The following NBEAL1 variants were observed in gnomAD, a reference collection of about 807,000 sequenced individuals.
The protein encoded by NBEAL1 is neurobeachin-like protein 1.
Under a neutral mutation model 351.3 loss-of-function variants are expected in NBEAL1, and 273 were observed. The ratio of observed to expected loss-of-function variants is 0.78; its 90% CI spans 0.70 to 0.86. The LOEUF (loss-of-function observed/expected upper bound fraction) is 0.86. Ranked by LOEUF, NBEAL1 falls within the 40% of genes least tolerant of loss-of-function variation. The probability of loss-of-function intolerance (pLI) is 0.00; values close to 1 mark genes in which losing one functional copy is unlikely to be tolerated. For missense variants in NBEAL1, 2,961 were observed against 3,201.3 expected, an observed-to-expected ratio of 0.92 and a Z score of 1.81; for synonymous variants, 1,050 against 1,086.4, an observed-to-expected ratio of 0.97 and a Z score of 0.66.
rs1408408571 is a variant in NBEAL1 at position 203,144,684 on chromosome 2, G to A, written c.4933G>A (p.Gly1645Arg). Residue 1645 changes from glycine (G) to arginine (R), a missense_variant, in exon 32 of 56, where the codon GGG becomes AGG. Physicochemically the swap from Gly to Arg is moderately radical, Grantham distance 125. Coordinates refer to ENST00000683969, the MANE Select transcript of NBEAL1 (RefSeq NM_001378026.1). Reference sequence around the variant, plus strand: ...TCAGGATGAAGCATGTTACATTTTAGGGAAGCTGGAACATGTTCTAAGTCA... The same window carrying A: ...TCAGGATGAAGCATGTTACATTTTAAGGAAGCTGGAACATGTTCTAAGTCA... ...ENQDEACYIL[G>R]KLEHVLSQSI... 2 of 1,614,066 alleles carry A rather than the reference G, an allele frequency of 1.2e-6. No homozygotes were observed. The highest frequency in any genetic ancestry group is 1.7e-5 in the Admixed American group (1 of 60,022).
At chr2:203,206,987 C>A (rs1186485767) in intron 51 of NBEAL1, among the ~76,000 whole-genome samples, 2 of 151,840 alleles carry the variant, frequency 1.3e-5, no homozygotes, top group Non-Finnish European at 2.9e-5. Flanking sequence ...CGCCTCTTCC[C>A]GGCCGCCATC....
intron 49 of NBEAL1, 37 bp downstream of exon 49, chr2:203,199,484 C>T: frequency 2.0e-6 from 2 of 990,360 alleles, no homozygotes; most frequent in Non-Finnish European, 3.2e-6. Context: ...ATAGCTATAC[C>T]AGATACCTTA....
At chr2:203,023,943 T>A (rs2060811040) in intron 2 of NBEAL1, among the ~76,000 whole-genome samples, 1 of 152,200 alleles carries the variant, frequency 6.6e-6, no homozygotes. Context: ...ACGTCTCTGT[T>A]ATTTAAATAA....
intron 38 of NBEAL1, 141 bp downstream of exon 38, chr2:203,167,501 C>A: frequency 2.3e-6 from 2 of 854,588 alleles, no homozygotes; most frequent in Non-Finnish European, 3.4e-6. Context: ...GGGGGCTAAT[C>A]AGTGTATGAA....
rs570871193 is a variant in NBEAL1, at chr2:203,188,199, G to A, written c.6706-273G>A. ...TTAGCTCTTTTGCTGTTGTTTTTGG[G>A]CTGTTATAAGCATATTTGTGTTTTA... On this transcript the variant is annotated intron_variant, in intron 44 of 55. Transcript: ENST00000683969. Among the ~76,000 whole-genome samples, 6 of 151,742 alleles carry A rather than the reference G, an allele frequency of 4.0e-5. No individual in the cohort carries two copies. In the South Asian group the frequency reaches 1.3e-3, roughly 32 times the overall value.
intron 43 of NBEAL1, chr2:203,181,060 C>A (rs529108304): frequency 1.3e-5 from 2 of 150,282 alleles, no homozygotes; most frequent in East Asian, 4.0e-4. Context: ...GCTCAGCCTC[C>A]TGAGTAGCTA....
In NBEAL1 at chr2:203,083,209, A is replaced by T; in HGVS notation, c.685-10A>T. 1 of 1,545,348 alleles carries T rather than the reference A, an allele frequency of 6.5e-7. No homozygotes were observed. Among genetic ancestry groups the T allele is most frequent in the Middle Eastern group, 1.7e-4 (1 of 5,954 alleles). ...TTTAGGTTTCATTTTTATTGTCTCT[A>T]ATGTTTCAGAGGAATGCTTTGCAAG... On this transcript the variant is annotated splice_polypyrimidine_tract_variant and intron_variant, in intron 8 of 55. Transcript: ENST00000683969.
At chr2:203,139,649 C>G (rs1006450499) in intron 31 of NBEAL1, among the ~76,000 whole-genome samples, 1 of 139,644 alleles carries the variant, frequency 7.2e-6, no homozygotes, top group Non-Finnish European at 1.5e-5. Flanking sequence ...ACTGTAACCT[C>G]CACCTCCCAG....
intron 51 of NBEAL1, among the ~76,000 whole-genome samples, chr2:203,205,508 TTTTTCCCAG>T (rs1323666129): frequency 1.3e-5 from 2 of 152,194 alleles, no homozygotes; most frequent in Non-Finnish European, 2.9e-5. Flanking sequence ...TTTACAGCTG[TTTTTCCCAG>T]TTTATCTTAT....
chr2:203,107,531 C>A lies in NBEAL1; in HGVS notation c.1368+13C>A. 6.5e-7 allele frequency: 1 copy of A among 1,540,876 alleles called. No homozygotes were observed. Among genetic ancestry groups the A allele is most frequent in the Admixed American group, 2.0e-5 (1 of 49,560 alleles). ...ACTTATGAATATGGTGAGTTTATAACCTTTATTAAGAGAATTTCTGTTAAT... is the reference window on the plus strand; with the variant it reads ...ACTTATGAATATGGTGAGTTTATAAACTTTATTAAGAGAATTTCTGTTAAT... On this transcript the variant is annotated intron_variant, in intron 13 of 55. Coordinates refer to ENST00000683969, the MANE Select transcript of NBEAL1 (RefSeq NM_001378026.1).
In NBEAL1 at chr2:203,032,127, A is replaced by G. The variant is rs1402614606; in HGVS notation, c.52-9638A>G. Among the ~76,000 whole-genome samples the G allele has an allele frequency of 3.3e-5, 5 of 152,250 alleles. No homozygotes were observed. In the East Asian group the frequency reaches 7.7e-4, roughly 24 times the overall value. On this transcript the variant is annotated intron_variant, in intron 2 of 55. Coordinates refer to ENST00000683969, the MANE Select transcript of NBEAL1 (RefSeq NM_001378026.1). ...ATAGAAGGCTCTTGCGAACTACCATATGAGTGAGCTTTTAAGTGGTTCCTT... is the reference window on the plus strand; with the variant it reads ...ATAGAAGGCTCTTGCGAACTACCATGTGAGTGAGCTTTTAAGTGGTTCCTT...
rs1446873321 is a variant in NBEAL1, at chr2:203,131,973, A to T, written c.3565A>T (p.Ile1189Phe). 2.9e-5 allele frequency: 45 copies of T among 1,532,062 alleles called. No homozygotes were observed. The highest frequency in any genetic ancestry group is 4.0e-5 in the Non-Finnish European group (45 of 1,138,680). 94.9% of individuals were successfully genotyped at this position (1,532,062 alleles called of 1,614,324 possible). A position where few individuals can be genotyped will look rare whatever the true frequency, so the allele number is the denominator to read the frequency against. Reference sequence around the variant, plus strand: ...AGAATATATTACTTGTCGTGACCAGATTATGGAACAAATGTTGAAATGCAC... The same window carrying T: ...AGAATATATTACTTGTCGTGACCAGTTTATGGAACAAATGTTGAAATGCAC... ...SDRLREIIFKIMEQMLKCTNV... is the reference protein window; with the variant it reads ...SDRLREIIFKFMEQMLKCTNV... The change falls in exon 26 of 56, where the codon ATT becomes TTT. Residue 1189 changes from isoleucine to phenylalanine, a missense_variant and splice_region_variant. Coordinates refer to ENST00000683969, the MANE Select transcript of NBEAL1 (RefSeq NM_001378026.1).
chr2:203,056,285 A>G (rs2061400140), intron 4 of NBEAL1, 142 bp from the exon 5 acceptor site: 1 of 645,958 alleles, frequency 1.5e-6, no homozygotes, highest in Admixed American at 2.6e-5. Flanking sequence ...GCAGTTATAT[A>G]ACCATATTGA....
At chr2:203,155,247 CAA>C (rs71226711) in intron 35 of NBEAL1, among the ~76,000 whole-genome samples, 2 of 138,080 alleles carry the variant, frequency 1.4e-5, no homozygotes, top group Non-Finnish European at 1.5e-5. Context: ...AACCCTCTCT[CAA>C]AAAAAAAAAA....
At chr2:203,125,887 A>G (rs1044964399) in intron 20 of NBEAL1, 73 bp from the exon 21 acceptor site, 6 of 1,259,354 alleles carry the variant, frequency 4.8e-6, no homozygotes, top group Non-Finnish European at 6.4e-6. Flanking sequence ...AACAGTGTGC[A>G]TTAAGATATA....
intron 3 of NBEAL1, among the ~76,000 whole-genome samples, chr2:203,043,238 A>G (rs1401874673): frequency 1.3e-5 from 2 of 152,330 alleles, no homozygotes; most frequent in South Asian, 2.1e-4. Context: ...TTTATGGAAA[A>G]GTACTACTGA....
chr2:203,166,551 T>A (rs1202636985), intron 37 of NBEAL1, among the ~76,000 whole-genome samples: 1 of 152,110 alleles, frequency 6.6e-6, no homozygotes, highest in Non-Finnish European at 1.5e-5. Flanking sequence ...GTGTTTATTA[T>A]TATTATTTTT....
Position 203,057,330 on chromosome 2 carries a change from A to C in NBEAL1, c.392A>C (p.Lys131Thr). The C allele has an allele frequency of 1.3e-6, 2 of 1,548,682 alleles. No individual in the cohort carries two copies. Among genetic ancestry groups the C allele is most frequent in the South Asian group, 1.2e-5 (1 of 83,732 alleles). The change falls in exon 6 of 56, where the codon AAA becomes ACA. Residue 131 changes from lysine to threonine, a missense_variant. By Grantham distance (78) the Lys-to-Thr change is moderately conservative (BLOSUM62 -1). Coordinates refer to ENST00000683969, the MANE Select transcript of NBEAL1 (RefSeq NM_001378026.1). ...TATGTTTAACTTTGTTCTCAGTTAA[A>C]AAGCAAAAAAAAAGAGAAGGAAATG... ...TMTTLYIQQLKSKKKEKEMAD... is the reference protein window; with the variant it reads ...TMTTLYIQQLTSKKKEKEMAD...
At chr2:203,061,088 C>T (rs1464812553) in intron 6 of NBEAL1, among the ~76,000 whole-genome samples, 1 of 152,164 alleles carries the variant, frequency 6.6e-6, no homozygotes, top group East Asian at 1.9e-4. Flanking sequence ...TAAGGCTTAT[C>T]TCCACTGACT....
Sources: allele counts gnomAD v4.1 joint callset (sites outside exome capture counted in the v4.1 genomes callset), GRCh38; gene constraint gnomAD v4.1.1; transcripts MANE v1.5; gene names NCBI Gene and HGNC (gene_info 2026-07-23, HGNC 2026-07-21).